The following SYT1 variants were observed in gnomAD, a reference collection of about 807,000 sequenced individuals.
The protein encoded by SYT1 is synaptotagmin 1.
SYT1 carries 8 observed loss-of-function variants against 44.8 expected under a neutral mutation model. That is an observed-to-expected ratio of 0.18 (90% CI 0.10 to 0.32). The LOEUF (loss-of-function observed/expected upper bound fraction) is 0.32. SYT1 is among the 10% of genes least tolerant of loss of function. The pLI, the probability that SYT1 is intolerant of heterozygous loss-of-function variation, is 1.00. For missense variants in SYT1, 286 were observed against 509.3 expected (o/e 0.56, Z 4.22); for synonymous variants, 154 against 188.8 (o/e 0.82, Z 1.51).
chr12:78,946,530 C>T (rs567155749), intron 1 of SYT1, among the ~76,000 whole-genome samples: 5 of 151,960 alleles, frequency 3.3e-5, no homozygotes, highest in Non-Finnish European at 5.9e-5. Context: ...TGGCACACAC[C>T]TGCAATCCCA....
At chr12:79,196,260 C>T (rs1166394724) in intron 3 of SYT1, among the ~76,000 whole-genome samples, 1 of 151,964 alleles carries the variant, frequency 6.6e-6, no homozygotes, top group Non-Finnish European at 1.5e-5. Flanking sequence ...CTCCACCTCC[C>T]GGGTTCAAGT....
In SYT1 at chr12:79,131,631, G is replaced by A. The variant is rs183327060; in HGVS notation, c.-18+84269G>A. ...AATAAGACAGCATGTATAATCAGAT[G>A]TGTTATAAGCCAAGTGCTAACACAT... is the stretch of plus-strand genomic sequence containing the variant. On this transcript the variant is annotated intron_variant, in intron 3 of 10. Transcript: ENST00000261205. 1.9e-3 allele frequency among the ~76,000 whole-genome samples: 290 copies of A among 152,246 alleles called. 1 individual carries two copies. The highest frequency in any genetic ancestry group is 6.8e-3 in the African/African-American group (284 of 41,554).
At chr12:79,257,788 C>T (rs991154034) in intron 4 of SYT1, among the ~76,000 whole-genome samples, 1 of 152,130 alleles carries the variant, frequency 6.6e-6, no homozygotes, top group African/African-American at 2.4e-5. Flanking sequence ...CGCGAATAAA[C>T]CGAGAAAGAA....
intron 1 of SYT1, among the ~76,000 whole-genome samples, chr12:78,942,967 A>G (rs77033257): frequency 0.016 from 2,458 of 152,324 alleles, 66 homozygotes; most frequent in African/African-American, 0.056. Flanking sequence ...TGAAATCATC[A>G]GTAAAACTGA....
At chr12:79,227,489 G>A (rs898401998) in intron 4 of SYT1, among the ~76,000 whole-genome samples, 9 of 152,146 alleles carry the variant, frequency 5.9e-5, no homozygotes, top group African/African-American at 2.2e-4. Flanking sequence ...ACAGTAGAAA[G>A]TCAAATAGCC....
rs373566433 is a variant in SYT1, at chr12:79,062,871, C to T, written c.-18+15509C>T. Among the ~76,000 whole-genome samples, 3 of 152,196 alleles carry T rather than the reference C, an allele frequency of 2.0e-5. No homozygotes were observed. In the South Asian group the frequency reaches 6.2e-4, roughly 32 times the overall value. ...AGATCTGTGCTTAGCAACTTTCATG[C>T]TATCTATAATATTGACAACTCTGTA... On this transcript the variant is annotated intron_variant, in intron 3 of 10. Transcript: ENST00000261205.
intron 4 of SYT1, among the ~76,000 whole-genome samples, chr12:79,262,341 A>G (rs574616035): frequency 3.6e-4 from 55 of 152,282 alleles, no homozygotes; most frequent in African/African-American, 1.3e-3. Flanking sequence ...CTCCAACCTT[A>G]TGACTCTTCT....
intron 3 of SYT1, among the ~76,000 whole-genome samples, chr12:79,109,448 C>T (rs1209485142): frequency 6.6e-6 from 1 of 151,790 alleles, no homozygotes; most frequent in East Asian, 1.9e-4. Context: ...AATGCCAACA[C>T]CTACGCCCAG....
intron 9 of SYT1, among the ~76,000 whole-genome samples, chr12:79,421,244 G>T (rs1352840066): frequency 6.6e-6 from 1 of 152,150 alleles, no homozygotes; most frequent in South Asian, 2.1e-4. Context: ...GGAATTGATT[G>T]CTATTTTGAG....
intron 1 of SYT1, among the ~76,000 whole-genome samples, chr12:78,874,714 C>T (rs1592512643): frequency 6.6e-6 from 1 of 151,682 alleles, no homozygotes; most frequent in East Asian, 1.9e-4. Flanking sequence ...TGGCTTCAGT[C>T]ATAGGTGGAA....
intron 1 of SYT1, among the ~76,000 whole-genome samples, chr12:78,934,379 A>G (rs2137223711): frequency 6.6e-6 from 1 of 151,992 alleles, no homozygotes; most frequent in South Asian, 2.1e-4. Flanking sequence ...AACAAACAAA[A>G]CAAAACAATT....
At chr12:79,128,441 A>G (rs1195429677) in intron 3 of SYT1, among the ~76,000 whole-genome samples, 3 of 152,160 alleles carry the variant, frequency 2.0e-5, no homozygotes, top group African/African-American at 4.8e-5. Context: ...ACATAGATAG[A>G]TAGACAGACA....
intron 3 of SYT1, among the ~76,000 whole-genome samples, chr12:79,061,646 G>A (rs1875396364): frequency 6.6e-6 from 1 of 152,122 alleles, no homozygotes; most frequent in South Asian, 2.1e-4. Flanking sequence ...ATGAAGATTA[G>A]AAGTTCTTTG....
At chr12:79,354,277 T>G (rs918500420) in intron 9 of SYT1, among the ~76,000 whole-genome samples, 1 of 152,190 alleles carries the variant, frequency 6.6e-6, no homozygotes, top group Non-Finnish European at 1.5e-5. Context: ...TGAACATAAT[T>G]TTTCTTCTTC....
intron 6 of SYT1, 98 bp downstream of exon 6, chr12:79,292,228 T>C (rs561113189): frequency 7.1e-7 from 1 of 1,408,484 alleles, no homozygotes; most frequent in East Asian, 2.4e-5. Context: ...TTGTTTGCTG[T>C]GAGGGGAAAA....
intron 1 of SYT1, among the ~76,000 whole-genome samples, chr12:78,901,150 T>G (rs1408093273): frequency 6.6e-6 from 1 of 152,130 alleles, no homozygotes; most frequent in Non-Finnish European, 1.5e-5. Flanking sequence ...GTGAACAATA[T>G]CTTTTCAGGT....
intron 8 of SYT1, among the ~76,000 whole-genome samples, chr12:79,306,785 G>C (rs1395623861): frequency 1.3e-5 from 2 of 152,206 alleles, no homozygotes; most frequent in Non-Finnish European, 2.9e-5. Context: ...ATGTGTATAA[G>C]CTGGCAGAGC....
intron 1 of SYT1, among the ~76,000 whole-genome samples, chr12:78,901,482 A>G (rs1009417226): frequency 2.0e-5 from 3 of 152,124 alleles, no homozygotes; most frequent in Admixed American, 6.6e-5. Context: ...TTATATTTCA[A>G]TATCCTCTGT....
chr12:79,032,151 T>C lies in SYT1; in HGVS notation c.-83-15146T>C, dbSNP rs142166118. Among the ~76,000 whole-genome samples the C allele has an allele frequency of 1.1e-3, 172 of 151,234 alleles. 1 individual carries two copies. The highest frequency in any genetic ancestry group is 3.7e-3 in the African/African-American group (154 of 41,434). ...AAATTCTGAGTGAGAGGATGCTGTGTTGGGAAAGGGGACTGATTGTGTCCT... is the reference window on the plus strand; with the variant it reads ...AAATTCTGAGTGAGAGGATGCTGTGCTGGGAAAGGGGACTGATTGTGTCCT... On this transcript the variant is annotated intron_variant, in intron 2 of 10. Coordinates refer to ENST00000261205, the MANE Select transcript of SYT1 (RefSeq NM_005639.3).
Sources: allele counts gnomAD v4.1 joint callset (sites outside exome capture counted in the v4.1 genomes callset), GRCh38; gene constraint gnomAD v4.1.1; transcripts MANE v1.5; gene names NCBI Gene and HGNC (gene_info 2026-07-23, HGNC 2026-07-21).